OXR1: variants seen among roughly 807,000 people sequenced by gnomAD.
OXR1 encodes the protein oxidation resistance protein 1.
Under a neutral mutation model 104.6 loss-of-function variants are expected in OXR1, and 41 were observed. The ratio of observed to expected loss-of-function variants is 0.39; its 90% CI spans 0.31 to 0.51. OXR1 has a LOEUF of 0.51. Ranked by LOEUF, OXR1 falls within the 20% of genes least tolerant of loss-of-function variation. OXR1 has a pLI of 0.77. For missense variants in OXR1, 955 were observed against 1,031.9 expected (o/e 0.93, Z 1.02); for synonymous variants, 348 against 348.4 (o/e 1.00, Z 0.01).
At chr8:106,539,348 G>A (rs1445124806) in intron 3 of OXR1, among the ~76,000 whole-genome samples, 2 of 152,122 alleles carry the variant, frequency 1.3e-5, no homozygotes, top group African/African-American at 4.8e-5. Flanking sequence ...GAACATGCCC[G>A]TTCCATATTG....
intron 2 of OXR1, among the ~76,000 whole-genome samples, chr8:106,421,750 T>C (rs1818915236): frequency 1.2e-5 from 1 of 83,400 alleles, no homozygotes; most frequent in African/African-American, 6.4e-5. Context: ...TTTGCTTCTA[T>C]CCATTGGCCA....
intron 3 of OXR1, among the ~76,000 whole-genome samples, chr8:106,575,173 A>G (rs1295650668): frequency 1.3e-5 from 2 of 152,138 alleles, no homozygotes; most frequent in African/African-American, 4.8e-5. Flanking sequence ...TCCAGTCTTT[A>G]TTAGTATTAA....
At chr8:106,312,508 C>T (rs1237942980) in intron 1 of OXR1, among the ~76,000 whole-genome samples, 1 of 152,150 alleles carries the variant, frequency 6.6e-6, no homozygotes, top group Non-Finnish European at 1.5e-5. Flanking sequence ...AGTCAATTCA[C>T]TGTGGAAGAG....
At chr8:106,554,406 C>T (rs1296118072) in intron 3 of OXR1, among the ~76,000 whole-genome samples, 1 of 152,140 alleles carries the variant, frequency 6.6e-6, no homozygotes, top group African/African-American at 2.4e-5. Flanking sequence ...AATTTCACCT[C>T]CATTTTCAGG....
rs189508697 is a variant in OXR1 at position 106,388,612 on chromosome 8, C to T, written c.23+28976C>T. On this transcript the variant is annotated intron_variant, in intron 2 of 16. Transcript: ENST00000517566. ...TAATTTTTTGTATTTTTAGTAGAGA[C>T]GGGGTTTCACTATGTTGGCCAGGCT... Among the ~76,000 whole-genome samples the T allele has an allele frequency of 5.2e-3, 789 of 152,136 alleles. 7 individuals are homozygous for T. Among genetic ancestry groups the T allele is most frequent in the South Asian group, 6.4e-3 (31 of 4,812 alleles).
At chr8:106,541,422 A>G (rs1409658537) in intron 3 of OXR1, among the ~76,000 whole-genome samples, 3 of 152,202 alleles carry the variant, frequency 2.0e-5, no homozygotes, top group Admixed American at 6.6e-5. Flanking sequence ...AACTCATGCT[A>G]TATGTTCTTC....
At chr8:106,719,033 A>T (rs1267886750) in intron 11 of OXR1, among the ~76,000 whole-genome samples, 1 of 152,204 alleles carries the variant, frequency 6.6e-6, no homozygotes, top group Non-Finnish European at 1.5e-5. Context: ...TGGGGATCTG[A>T]TAACCTTATT....
At chr8:106,555,704 G>T (rs888184329) in intron 3 of OXR1, among the ~76,000 whole-genome samples, 1 of 151,774 alleles carries the variant, frequency 6.6e-6, no homozygotes, top group Non-Finnish European at 1.5e-5. Context: ...GTGGTAGAGG[G>T]ATAGAATGAT....
intron 2 of OXR1, among the ~76,000 whole-genome samples, chr8:106,426,232 A>G (rs1405607838): frequency 6.6e-6 from 1 of 152,144 alleles, no homozygotes; most frequent in Non-Finnish European, 1.5e-5. Context: ...AGGACCTGGC[A>G]CCGTAAGACT....
chr8:106,675,684 C>A (rs1293485411), intron 3 of OXR1, among the ~76,000 whole-genome samples: 1 of 151,990 alleles, frequency 6.6e-6, no homozygotes, highest in East Asian at 1.9e-4. Context: ...TGATTTTAGT[C>A]CTTTTGCATT....
chr8:106,346,997 C>T (rs207469633), intron 1 of OXR1, among the ~76,000 whole-genome samples: 3 of 152,296 alleles, frequency 2.0e-5, no homozygotes, highest in Non-Finnish European at 2.9e-5. Context: ...GAGCCGAGAT[C>T]GCGCCATTGC....
chr8:106,655,875 C>T (rs1825017556), intron 3 of OXR1, among the ~76,000 whole-genome samples: 1 of 152,002 alleles, frequency 6.6e-6, no homozygotes. Context: ...GAAAAAAAAC[C>T]CAAAACAGAT....
intron 1 of OXR1, among the ~76,000 whole-genome samples, chr8:106,335,763 T>A (rs1047838404): frequency 1.3e-5 from 2 of 152,180 alleles, no homozygotes; most frequent in African/African-American, 2.4e-5. Flanking sequence ...AGTGATTTTT[T>A]AATTCAGATA....
intron 7 of OXR1, among the ~76,000 whole-genome samples, chr8:106,699,201 C>T (rs779874712): frequency 6.6e-6 from 1 of 152,062 alleles, no homozygotes; most frequent in African/African-American, 2.4e-5. Flanking sequence ...AGTGAGAACA[C>T]GAACTATTCT....
In OXR1 at chr8:106,669,355, A is replaced by C. The variant is rs144165656; in HGVS notation, c.221-9855A>C. Among the ~76,000 whole-genome samples the C allele has an allele frequency of 3.9e-5, 6 of 152,300 alleles. 1 individual carries two copies. Among genetic ancestry groups the C allele is most frequent in the African/African-American group, 1.2e-4 (5 of 41,574 alleles). The stretch of plus-strand genomic sequence containing the variant: ...AGTAAAAGTAGATTTCTACTTTCAA[A>C]AATTCAACTGAAAAGAAGCAGAAAG... On this transcript the variant is annotated intron_variant, in intron 3 of 16. Transcript: ENST00000517566.
At chr8:106,678,153 G>C (rs1356452431) in intron 3 of OXR1, among the ~76,000 whole-genome samples, 1 of 152,040 alleles carries the variant, frequency 6.6e-6, no homozygotes, top group African/African-American at 2.4e-5. Context: ...AAGCATTGCA[G>C]AGGTAATTGT....
At chr8:106,348,561 T>C (rs140764221) in intron 1 of OXR1, among the ~76,000 whole-genome samples, 1 of 152,280 alleles carries the variant, frequency 6.6e-6, no homozygotes, top group East Asian at 1.9e-4. Context: ...CCACATGGGT[T>C]TGAACCTTTA....
At chr8:106,379,644 T>G (rs1360259795) in intron 2 of OXR1, among the ~76,000 whole-genome samples, 1 of 150,858 alleles carries the variant, frequency 6.6e-6, no homozygotes, top group East Asian at 1.9e-4. Flanking sequence ...TTCAAGCGAT[T>G]CTCGTGCCTC....
chr8:106,412,803 A>T (rs6469069), intron 2 of OXR1, among the ~76,000 whole-genome samples: 56,861 of 151,936 alleles, frequency 0.37, 11,895 homozygotes, highest in East Asian at 0.7. Context: ...AATTTGTATT[A>T]TTTATAGAAT....
Sources: allele counts gnomAD v4.1 joint callset (sites outside exome capture counted in the v4.1 genomes callset), GRCh38; gene constraint gnomAD v4.1.1; transcripts MANE v1.5; gene names NCBI Gene and HGNC (gene_info 2026-07-23, HGNC 2026-07-21).